EIF4G3: variants seen among roughly 807,000 people sequenced by gnomAD.
The protein encoded by EIF4G3 is eIF-4-gamma 3.
A neutral mutation model predicts 186.4 loss-of-function variants in EIF4G3; 34 were observed. The observed-to-expected ratio is 0.18, with a 90% CI of 0.14 to 0.24. The LOEUF is 0.24. EIF4G3 is among the 10% of genes least tolerant of loss of function. EIF4G3 has a pLI of 1.00. For missense variants in EIF4G3, 1,536 were observed against 1,948.5 expected (o/e 0.79, Z 3.99); for synonymous variants, 673 against 679.5 (o/e 0.99, Z 0.15).
At chr1:20,933,183 G>C (rs2095394266) in intron 14 of EIF4G3, among the ~76,000 whole-genome samples, 1 of 152,200 alleles carries the variant, frequency 6.6e-6, no homozygotes, top group Non-Finnish European at 1.5e-5. Flanking sequence ...TGAAAGAGGA[G>C]TGACAAAGCT....
At chr1:20,861,724 A>C (rs2076391171) in intron 23 of EIF4G3, among the ~76,000 whole-genome samples, 1 of 152,240 alleles carries the variant, frequency 6.6e-6, no homozygotes, top group Admixed American at 6.5e-5. Context: ...CTGTAATCCC[A>C]GCACTTTGGG....
At chr1:20,931,165 A>G (rs2095291258) in intron 14 of EIF4G3, among the ~76,000 whole-genome samples, 1 of 152,144 alleles carries the variant, frequency 6.6e-6, no homozygotes, top group Non-Finnish European at 1.5e-5. Context: ...GAAGGAACAA[A>G]TGCCACGAAC....
In EIF4G3 at chr1:21,176,850, C is replaced by G. The variant is rs577458143; in HGVS notation, c.-584G>C. 28 of 701,454 alleles carry G rather than the reference C, an allele frequency of 4.0e-5. No homozygotes were observed. In the East Asian group the frequency reaches 5.1e-4, roughly 13 times the overall value. The allele number at this position is 701,454 out of a possible 1,614,324, so 43.5% of individuals were successfully genotyped here. A position where few individuals can be genotyped will look rare whatever the true frequency, so the allele number is the denominator to read the frequency against. ...GATTTTCTTCACTCAACGAGCAGAG[C>G]ATCCAACATGGCGCTGTGGCCGCCT... On this transcript the variant is annotated 5_prime_UTR_variant, in exon 1 of 37. It removes an upstream start codon present in the reference 5' UTR. Coordinates refer to ENST00000602326, the MANE Select transcript of EIF4G3 (RefSeq NM_001391906.1).
chr1:20,941,467 G>A lies in EIF4G3; in HGVS notation c.1663+24C>T, dbSNP rs777606674. On this transcript the variant is annotated intron_variant, in intron 14 of 36. Transcript: ENST00000602326. ...CCTCTTCTTCATGTTCAGCAAGCAC[G>A]AGATTAATGGCAGAATGGCTTACCT... 13 of 1,605,288 alleles carry A rather than the reference G, an allele frequency of 8.1e-6. 1 individual carries two copies. Among genetic ancestry groups the A allele is most frequent in the Admixed American group, 5.1e-5 (3 of 58,858 alleles).
At chr1:20,957,513 ACT>A (rs1363931060) in intron 12 of EIF4G3, among the ~76,000 whole-genome samples, 1 of 138,744 alleles carries the variant, frequency 7.2e-6, no homozygotes, top group Non-Finnish European at 1.6e-5. Context: ...ACTAAACAAG[ACT>A]CTGTCTCAAA....
chr1:21,120,521 G>A (rs186422041), intron 2 of EIF4G3, among the ~76,000 whole-genome samples: 8 of 150,898 alleles, frequency 5.3e-5, no homozygotes, highest in Non-Finnish European at 1.0e-4. Flanking sequence ...CCAGCTACTT[G>A]AGCAGAAGGC....
chr1:21,166,922 C>G (rs2097864604), intron 2 of EIF4G3, among the ~76,000 whole-genome samples: 1 of 151,932 alleles, frequency 6.6e-6, no homozygotes, highest in South Asian at 2.1e-4. Context: ...GCTGGGACTA[C>G]AGGCACGTGC....
intron 36 of EIF4G3, among the ~76,000 whole-genome samples, chr1:20,807,755 G>GTTTTTTTTTTTTTTTTTTTTTTTT (rs67864326): frequency 1.6e-5 from 1 of 63,868 alleles, no homozygotes; most frequent in Non-Finnish European, 2.7e-5. Context: ...CTTTTTTTCT[G>GTTTTTTTTTTTTTTTTTTTTTTTT]TTTTTTTTTT....
chr1:20,868,227 C>T (rs1009202469), intron 20 of EIF4G3, among the ~76,000 whole-genome samples: 40 of 149,656 alleles, frequency 2.7e-4, no homozygotes, highest in Non-Finnish European at 5.0e-4. Context: ...AGAGTGGATA[C>T]CTTAATCTGC....
chr1:21,081,513 T>C (rs2095786672), intron 3 of EIF4G3, among the ~76,000 whole-genome samples: 1 of 152,046 alleles, frequency 6.6e-6, no homozygotes, highest in African/African-American at 2.4e-5. Flanking sequence ...AATAATGACA[T>C]AAGCTTCTCT....
Position 20,893,781 on chromosome 1 carries a change from T to C in EIF4G3, c.2134-145A>G, listed in dbSNP as rs1165671091. On this transcript the variant is annotated intron_variant, in intron 17 of 36. Coordinates refer to ENST00000602326, the MANE Select transcript of EIF4G3 (RefSeq NM_001391906.1). Reference sequence around the variant, plus strand: ...ACCCGCAGAAGTCCAATCTCATCCATGGCAGCTTCTCCTGGGCTACTCTTA... The same window carrying C: ...ACCCGCAGAAGTCCAATCTCATCCACGGCAGCTTCTCCTGGGCTACTCTTA... 4 of 815,440 alleles carry C rather than the reference T, an allele frequency of 4.9e-6. No individual in the cohort carries two copies. In the African/African-American group the frequency reaches 5.2e-5, roughly 11 times the overall value. 50.5% of individuals were successfully genotyped at this position (815,440 alleles called of 1,614,324 possible).
At chr1:21,023,493 C>T (rs548541206) in intron 4 of EIF4G3, among the ~76,000 whole-genome samples, 4 of 152,150 alleles carry the variant, frequency 2.6e-5, no homozygotes, top group Admixed American at 6.5e-5. Flanking sequence ...CCCCTAACCG[C>T]GAGTGATCCG....
intron 4 of EIF4G3, among the ~76,000 whole-genome samples, chr1:21,029,848 TTTATTTA>T (rs1309980831): frequency 6.6e-6 from 1 of 151,990 alleles, no homozygotes; most frequent in Admixed American, 6.6e-5. Context: ...AAAAATGTTA[TTTATTTA>T]TTATTTTATT....
intron 3 of EIF4G3, among the ~76,000 whole-genome samples, chr1:21,057,817 G>GC (rs1214942908): frequency 6.6e-6 from 1 of 152,126 alleles, no homozygotes; most frequent in African/African-American, 2.4e-5. Context: ...AAATACTGCT[G>GC]CAAGAAAGAA....
chr1:21,005,135 T>G (rs2084691010), intron 4 of EIF4G3, among the ~76,000 whole-genome samples: 1 of 152,178 alleles, frequency 6.6e-6, no homozygotes, highest in East Asian at 1.9e-4. Context: ...GCTGAAAGTT[T>G]GACTATTTTA....
At chr1:20,911,560 CAAAAAAA>C (rs60071144) in intron 14 of EIF4G3, among the ~76,000 whole-genome samples, 3 of 40,698 alleles carry the variant, frequency 7.4e-5, no homozygotes, top group Admixed American at 4.1e-4. Context: ...GACCCTGCCT[CAAAAAAA>C]AAAAAAAAAA....
At position 21,062,199 on chromosome 1, in the gene EIF4G3, CAT is replaced by C. The variant is rs375266696; in HGVS notation, c.-195-11207_-195-11206del. Among the ~76,000 whole-genome samples the C allele has an allele frequency of 1.9e-4, 29 of 152,116 alleles. No individual in the cohort carries two copies. In the East Asian group the frequency reaches 2.9e-3, roughly 15 times the overall value. On this transcript the variant is annotated intron_variant, in intron 3 of 36. Coordinates refer to ENST00000602326, the MANE Select transcript of EIF4G3 (RefSeq NM_001391906.1). ...TCAGCCTCCCAAGTAGTTAAAACTA[CAT>C]GTGTGTGCCACTACACTGGGCTAAT...
Position 20,886,346 on chromosome 1 carries a change from G to T in EIF4G3, c.2279C>A (p.Ser760Tyr). The T allele has an allele frequency of 5.0e-6, 8 of 1,613,718 alleles. No individual in the cohort carries two copies. Among genetic ancestry groups the T allele is most frequent in the Non-Finnish European group, 5.9e-6 (7 of 1,179,866 alleles). ...GGGTTCTCTTCTTTGGCCAGGTTGA[G>T]ATCTTCGTGACCCAACATTCAACAA... ...VPLLNVGSRR[S>Y]QPGQRREPRK... Residue 760 changes from serine to tyrosine, a missense_variant, in exon 19 of 37, where the codon TCT becomes TAT. Physicochemically the swap from Ser to Tyr is moderately radical, Grantham distance 144 (BLOSUM62 -2). This residue lies in a region of EIF4G3 where 139 missense variants were observed against 192.8 expected (regional missense o/e 0.72). Coordinates refer to ENST00000602326, the MANE Select transcript of EIF4G3 (RefSeq NM_001391906.1).
chr1:20,900,094 T>C (rs755973998), intron 15 of EIF4G3, 151 bp from the exon 16 acceptor site: 8 of 829,940 alleles, frequency 9.6e-6, no homozygotes, highest in Non-Finnish European at 1.3e-5. Flanking sequence ...GAATGCTGAG[T>C]TTAAAAAAAA....
Sources: gnomAD v4.1 joint callset for allele counts (sites outside exome capture counted in the v4.1 genomes callset) on GRCh38, gnomAD v4.1.1 for gene constraint, gnomAD v4.1.1 regional missense constraint, MANE v1.5 for transcripts, NCBI Gene and HGNC (gene_info 2026-07-23, HGNC 2026-07-21) for gene names.